ZNF185: variants seen among roughly 807,000 people sequenced by gnomAD.
ZNF185 encodes the protein zinc finger protein 185.
ZNF185 carries 56 observed loss-of-function variants against 58.6 expected under a neutral mutation model. The observed-to-expected ratio is 0.95, with a 90% confidence interval of 0.77 to 1.19. The LOEUF (loss-of-function observed/expected upper bound fraction) is 1.19. ZNF185 is among the 50% of genes most tolerant of loss of function. The pLI, the probability that ZNF185 is intolerant of heterozygous loss-of-function variation, is 0.00. For synonymous variants in ZNF185, 230 were observed against 215.9 expected (o/e 1.07, Z -0.57); for missense variants, 627 against 573.5 (o/e 1.09, Z -0.95).
chrX:152,918,664 C>A (rs1439707680), intron 6 of ZNF185, among the ~76,000 whole-genome samples: 1 of 112,358 alleles, frequency 8.9e-6, no homozygotes, highest in Admixed American at 9.4e-5. Context: ...CCCCACCCCC[C>A]ACTGCATGCT....
upstream of ZNF185, among the ~76,000 whole-genome samples, chrX:152,913,390 G>T (rs1937638790): frequency 8.9e-6 from 1 of 112,138 alleles, no homozygotes; most frequent in South Asian, 3.8e-4. Context: ...CCCTTCTCCG[G>T]AGCAAATGGC....
chrX:152,966,699 T>C (rs1226902447), intron 19 of ZNF185, among the ~76,000 whole-genome samples: 5 of 112,049 alleles, frequency 4.5e-5, no homozygotes, highest in South Asian at 7.5e-4. Context: ...CACAGAGTTA[T>C]GCAAACATCA....
chrX:152,953,853 G>A (rs1407359672), intron 16 of ZNF185, among the ~76,000 whole-genome samples: 1 of 111,864 alleles, frequency 8.9e-6, no homozygotes, highest in African/African-American at 3.3e-5. Context: ...CAATTCTCCC[G>A]CCTCAGCCTT....
chrX:152,924,962 G>A (rs782563695), intron 11 of ZNF185, among the ~76,000 whole-genome samples: 184 of 111,393 alleles, frequency 1.7e-3, no homozygotes, highest in Middle Eastern at 0.014. Flanking sequence ...GATTACAGGC[G>A]TGAGCCACCG....
intron 20 of ZNF185, among the ~76,000 whole-genome samples, chrX:152,967,910 C>T (rs981482657): frequency 1.8e-5 from 2 of 112,094 alleles, no homozygotes; most frequent in African/African-American, 6.5e-5. Context: ...TAAGCAAATA[C>T]GGCAGACCCA....
At chrX:152,936,042 C>G (rs782030565) in intron 14 of ZNF185, among the ~76,000 whole-genome samples, 4 of 112,435 alleles carry the variant, frequency 3.6e-5, no homozygotes, top group African/African-American at 6.5e-5. Context: ...ATGTTATGGC[C>G]CAGGCATTAT....
the ZNF185 span, among the ~76,000 whole-genome samples, chrX:152,903,122 C>A: frequency 9.1e-6 from 1 of 110,441 alleles, no homozygotes; most frequent in Non-Finnish European, 1.9e-5. Context: ...AGTGCGGTGG[C>A]TCACGCCTGT....
chrX:152,938,082 C>G, exon 15 of ZNF185: 2 of 1,177,693 alleles, frequency 1.7e-6, no homozygotes, highest in Non-Finnish European at 2.3e-6. Flanking sequence ...AGCTCCAGTG[C>G]CACTTCAGTC....
chrX:152,913,234 A>G (rs1937617793), upstream of ZNF185, among the ~76,000 whole-genome samples: 1 of 112,304 alleles, frequency 8.9e-6, no homozygotes, highest in African/African-American at 3.2e-5. Flanking sequence ...CTATGCCAGC[A>G]CAACCAGGGC....
At chrX:152,948,725 C>T (rs781796533) in intron 16 of ZNF185, among the ~76,000 whole-genome samples, 1 of 112,386 alleles carries the variant, frequency 8.9e-6, no homozygotes, top group Non-Finnish European at 1.9e-5. Context: ...TTGTGAATCA[C>T]CAAGCCTAGG....
At chrX:152,972,239 C>T in exon 23 of ZNF185, 1 of 111,955 alleles carries the variant, frequency 8.9e-6, no homozygotes, top group Admixed American at 9.4e-5. Flanking sequence ...TTGCATTGCG[C>T]AGAACGCTAC....
At chrX:152,951,690 G>C (rs1254855129) in intron 16 of ZNF185, among the ~76,000 whole-genome samples, 1 of 111,581 alleles carries the variant, frequency 9.0e-6, no homozygotes, top group Non-Finnish European at 1.9e-5. Flanking sequence ...TTTTGTAGCA[G>C]ACTAGTAAAG....
chrX:152,909,510 C>T (rs1351383386), upstream of ZNF185, among the ~76,000 whole-genome samples: 1 of 112,072 alleles, frequency 8.9e-6, no homozygotes, highest in Non-Finnish European at 1.9e-5. Flanking sequence ...CAGTGGGCCT[C>T]ATGTGCCCTC....
chrX:152,943,992 T>C (rs1326840761), intron 15 of ZNF185, among the ~76,000 whole-genome samples: 2 of 113,093 alleles, frequency 1.8e-5, no homozygotes, highest in Admixed American at 1.9e-4. Flanking sequence ...TGGATCTGCA[T>C]GGGCTGCAGC....
At chrX:152,952,506 T>TA (rs782070246) in intron 16 of ZNF185, among the ~76,000 whole-genome samples, 2 of 112,206 alleles carry the variant, frequency 1.8e-5, no homozygotes, top group South Asian at 3.7e-4. Flanking sequence ...ATACTAAACA[T>TA]ACAGACAGAC....
chrX:152,920,890 G>C, intron 9 of ZNF185, 142 bp downstream of exon 10: 1 of 736,562 alleles, frequency 1.4e-6, no homozygotes, highest in Non-Finnish European at 2.0e-6. Context: ...AGTTGTGAGG[G>C]GCTGGGGGCT....
chrX:152,904,071 C>G, the ZNF185 span, among the ~76,000 whole-genome samples: 4 of 112,668 alleles, frequency 3.6e-5, no homozygotes, highest in Non-Finnish European at 7.5e-5. Context: ...ATATTTTCCC[C>G]TCTGCAACTC....
rs781946334 is a variant in ZNF185 at position 152,947,042 on chromosome X, C to T, written c.1409+1578C>T. On this transcript the variant is annotated intron_variant, in intron 16 of 22. Transcript: ENST00000449285. ...GGCCATATTGGAGACTGTTTGCTTA[C>T]ACCAGGGGCAAGGTGATGAGGCTGC... Among the ~76,000 whole-genome samples, 3 of 112,069 alleles carry T rather than the reference C, an allele frequency of 2.7e-5. No individual in the cohort carries two copies. In the South Asian group the frequency reaches 1.1e-3, roughly 42 times the overall value.
rs1556889770 is a variant in ZNF185 at position 152,941,712 on chromosome X, G to C, written c.1211+3549G>C. 4 of 1,163,363 alleles carry C rather than the reference G, an allele frequency of 3.4e-6. No individual in the cohort carries two copies. The South Asian group carries it at 7.6e-5, about 22-fold the overall frequency. ...ATGCGACCGTCCACAAAGTGAAATG[G>C]CCGCCCGGGACGAGCTCGGCCTCGG... On this transcript the variant is annotated intron_variant, in intron 15 of 22. Coordinates refer to ENST00000449285, the Ensembl canonical transcript of ZNF185.
Sources: gnomAD v4.1 joint callset for allele counts (sites outside exome capture counted in the v4.1 genomes callset) on GRCh38, gnomAD v4.1.1 for gene constraint, MANE v1.5 for transcripts, NCBI Gene and HGNC (gene_info 2026-07-23, HGNC 2026-07-21) for gene names.